The following FHL1 variants were observed in gnomAD, a reference collection of about 807,000 sequenced individuals.
FHL1 encodes four and a half LIM domains 1, also known as four and a half LIM domains protein 1.
A neutral mutation model predicts 20.3 loss-of-function variants in FHL1; 1 was observed. The observed-to-expected ratio is 0.05, with a 90% CI of 0.02 to 0.23. FHL1 has a LOEUF of 0.23. Ranked by LOEUF, FHL1 falls within the 10% of genes least tolerant of loss-of-function variation. The probability of loss-of-function intolerance (pLI) is 1.00; values close to 1 mark genes in which losing one functional copy is unlikely to be tolerated. For missense variants in FHL1, 177 were observed against 234.0 expected, an observed-to-expected ratio of 0.76 and a Z score of 1.59; for synonymous variants, 82 against 88.9, an observed-to-expected ratio of 0.92 and a Z score of 0.44.
At chrX:136,192,802 G>C (rs1232735318), upstream of FHL1, among the ~76,000 whole-genome samples, 1 of 111,756 alleles carries the variant, frequency 8.9e-6, no homozygotes, top group Non-Finnish European at 1.9e-5. Flanking sequence ...GTAGGAAAAA[G>C]TACTCTTCCC....
chrX:136,201,059 G>A (rs2073695106), intron 1 of FHL1, among the ~76,000 whole-genome samples: 1 of 111,652 alleles, frequency 9.0e-6, no homozygotes, highest in Admixed American at 9.5e-5. Context: ...AGCTACTTGG[G>A]AGGCTGAGGC....
chrX:136,175,291 T>C (rs1441930670), intron 2 of FHL1, among the ~76,000 whole-genome samples: 1 of 112,713 alleles, frequency 8.9e-6, no homozygotes, highest in Non-Finnish European at 1.9e-5. Context: ...TTTACTAAGT[T>C]AGCAGAATTA....
At chrX:136,208,089 C>A in intron 4 of FHL1, 128 bp downstream of exon 4, 1 of 873,015 alleles carries the variant, frequency 1.1e-6, no homozygotes, top group Non-Finnish European at 1.7e-6. Context: ...ATTATTATTC[C>A]CGTTTTACAG....
chrX:136,156,947 G>A (rs2072436736), intron 1 of FHL1, among the ~76,000 whole-genome samples: 1 of 108,261 alleles, frequency 9.2e-6, no homozygotes, highest in Admixed American at 1.0e-4. Flanking sequence ...GTGGACTGAA[G>A]TAACAGGTTT....
At chrX:136,166,295 T>G (rs1569528578), upstream of FHL1, among the ~76,000 whole-genome samples, 1 of 112,202 alleles carries the variant, frequency 8.9e-6, no homozygotes, top group Admixed American at 9.4e-5. Flanking sequence ...GGTGAAACCA[T>G]GAACTATGGA....
At position 136,206,543 on chromosome X, in the gene FHL1, C is replaced by T. The variant is rs1458693544; in HGVS notation, c.159C>T (p.Ala53=). Residue 53 remains alanine (A), a synonymous_variant, in exon 2 of 6, where the codon GCC becomes GCT. Coordinates refer to ENST00000370683, the MANE Select transcript of FHL1 (RefSeq NM_001159699.2). ...TGAAATGCTTTGACAAGTTCTGTGC[C>T]AACACCTGTGTGGAATGCCGCAAGC... ...CCLKCFDKFC[A]NTCVECRKPI... is the part of the protein sequence containing the mutation. 8.2e-6 allele frequency: 10 copies of T among 1,212,607 alleles called. No individual in the cohort carries two copies. The highest frequency in any genetic ancestry group is 1.1e-5 in the Non-Finnish European group (10 of 895,677).
chrX:136,179,092 C>A (rs769458370), intron 2 of FHL1, among the ~76,000 whole-genome samples: 6 of 112,229 alleles, frequency 5.3e-5, no homozygotes, highest in African/African-American at 1.3e-4. Flanking sequence ...ATTAGGGCTA[C>A]AAATTCATAA....
At chrX:136,150,067 A>T (rs995425645) in intron 1 of FHL1, among the ~76,000 whole-genome samples, 1 of 112,056 alleles carries the variant, frequency 8.9e-6, no homozygotes, top group Non-Finnish European at 1.9e-5. Context: ...CTCTGGACAG[A>T]AGGTGTAAAT....
intron 2 of FHL1, among the ~76,000 whole-genome samples, chrX:136,187,483 G>GTACTGATGCA (rs1188176567): frequency 1.8e-5 from 2 of 112,333 alleles, no homozygotes; most frequent in Non-Finnish European, 3.8e-5. Context: ...GAGAACTGAA[G>GTACTGATGCA]TACTGATGCA....
Position 136,203,083 on chromosome X carries a change from C to T in FHL1, c.23-3324C>T, listed in dbSNP as rs764351921. Among the ~76,000 whole-genome samples the T allele has an allele frequency of 2.7e-5, 3 of 112,718 alleles. No individual in the cohort carries two copies. The South Asian group carries it at 1.1e-3, about 41-fold the overall frequency. ...CTAATTCAGGTTGCCCAGAGTTCCA[C>T]TTAATTTGATTTATTGCAAAACAAA... On this transcript the variant is annotated intron_variant, in intron 1 of 5. Transcript: ENST00000370683.
chrX:136,175,045 A>G (rs1215431251), intron 2 of FHL1, among the ~76,000 whole-genome samples: 1 of 112,494 alleles, frequency 8.9e-6, no homozygotes, highest in African/African-American at 3.2e-5. Flanking sequence ...TCTGTGGCAC[A>G]GATGACAAGA....
intron 1 of FHL1, among the ~76,000 whole-genome samples, chrX:136,200,885 C>T (rs1021438953): frequency 1.8e-5 from 2 of 111,694 alleles, no homozygotes; most frequent in Admixed American, 9.5e-5. Context: ...AGCAGGAGGC[C>T]GGGCACGGTG....
intron 1 of FHL1, among the ~76,000 whole-genome samples, chrX:136,159,682 C>T (rs1260571253): frequency 8.9e-6 from 1 of 112,261 alleles, no homozygotes; most frequent in East Asian, 2.8e-4. Flanking sequence ...AGGAGAGCTG[C>T]CCAGTACCTC....
rs200797162 is a variant in FHL1, at chrX:136,209,069, C to CT, written c.736+438dup. ...TCAGAGATGCCTGTTGGCAGGGTTT[C>CT]TTTTTTTTTTGGTTTGCTGTTTATT... is the stretch of plus-strand genomic sequence containing the variant. On this transcript the variant is annotated intron_variant, in intron 5 of 5. Coordinates refer to ENST00000370683, the MANE Select transcript of FHL1 (RefSeq NM_001159699.2). The CT allele has an allele frequency of 4.2e-3, 1,552 of 370,426 alleles. 5 individuals carry two copies. Among genetic ancestry groups the CT allele is most frequent in the African/African-American group, 0.023 (842 of 36,683 alleles). The allele number at this position is 370,426 out of a possible 1,213,427, so 30.5% of individuals were successfully genotyped here.
chrX:136,179,134 C>T (rs960659707), intron 2 of FHL1, among the ~76,000 whole-genome samples: 1 of 111,836 alleles, frequency 8.9e-6, no homozygotes, highest in Non-Finnish European at 1.9e-5. Context: ...GTTTCTTTCC[C>T]AGGACCGGTA....
rs139847279 is a variant in FHL1 at position 136,181,075 on chromosome X, A to G, written c.-27+11095A>G. On this transcript the variant is annotated intron_variant, in intron 2 of 6. Coordinates refer to the FHL1 transcript ENST00000394153. ...ACTTTAACATAAGTAAAGGTTATTA[A>G]TGTCAACCTAAAATAAAGTTTTGAC... Among the ~76,000 whole-genome samples the G allele has an allele frequency of 7.2e-4, 81 of 112,442 alleles. No homozygotes were observed. In the East Asian group the frequency reaches 0.02, roughly 28 times the overall value.
intron 1 of FHL1, among the ~76,000 whole-genome samples, chrX:136,155,475 T>C (rs1002997176): frequency 8.9e-6 from 1 of 112,103 alleles, no homozygotes; most frequent in Non-Finnish European, 1.9e-5. Context: ...ACAGCTAGGG[T>C]CCCAGCAAAT....
chrX:136,204,364 A>G (rs1368534669), intron 1 of FHL1, among the ~76,000 whole-genome samples: 1 of 112,395 alleles, frequency 8.9e-6, no homozygotes, highest in Non-Finnish European at 1.9e-5. Context: ...GATTTTCCAT[A>G]TGCTGTCACT....
At chrX:136,163,604 G>T (rs1040031973) in intron 1 of FHL1, among the ~76,000 whole-genome samples, 4 of 111,694 alleles carry the variant, frequency 3.6e-5, no homozygotes, top group African/African-American at 1.3e-4. Context: ...GGAAAAATGG[G>T]CAGGGTTTGG....
Sources: gnomAD v4.1 joint callset for allele counts (sites outside exome capture counted in the v4.1 genomes callset) on GRCh38, gnomAD v4.1.1 for gene constraint, MANE v1.5 for transcripts, NCBI Gene and HGNC (gene_info 2026-07-23, HGNC 2026-07-21) for gene names.